LYST: variants seen among roughly 807,000 people sequenced by gnomAD.
LYST encodes lysosomal trafficking regulator, also known as lysosomal-trafficking regulator.
LYST carries 192 observed loss-of-function variants against 413.6 expected under a neutral mutation model. The ratio of observed to expected loss-of-function variants is 0.46; its 90% CI spans 0.41 to 0.52. LYST has a LOEUF of 0.52. LYST is among the 20% of genes least tolerant of loss of function. The pLI, the probability that LYST is intolerant of heterozygous loss-of-function variation, is 0.00. For synonymous variants in LYST, 1,525 were observed against 1,567.3 expected, an observed-to-expected ratio of 0.97 and a Z score of 0.64; for missense variants, 3,815 against 4,499.9, an observed-to-expected ratio of 0.85 and a Z score of 4.35.
chr1:235,726,655 G>GA (rs1212144921), intron 38 of LYST, among the ~76,000 whole-genome samples: 3 of 151,004 alleles, frequency 2.0e-5, no homozygotes, highest in South Asian at 2.1e-4. Flanking sequence ...TTTTAGATTT[G>GA]AAAAAAAAAT....
intron 1 of LYST, among the ~76,000 whole-genome samples, chr1:235,843,434 T>G (rs1488614721): frequency 6.6e-6 from 1 of 152,102 alleles, no homozygotes; most frequent in Admixed American, 6.5e-5. Flanking sequence ...CACAGAGCTG[T>G]GTGAAGTTTG....
intron 1 of LYST, among the ~76,000 whole-genome samples, chr1:235,861,017 T>G (rs1253426316): frequency 6.6e-6 from 1 of 152,230 alleles, no homozygotes; most frequent in South Asian, 2.1e-4. Flanking sequence ...ATCCATGTTG[T>G]TGTGTGATCT....
At chr1:235,711,319 C>T (rs2103124054) in intron 43 of LYST, among the ~76,000 whole-genome samples, 1 of 152,262 alleles carries the variant, frequency 6.6e-6, no homozygotes, top group South Asian at 2.1e-4. Flanking sequence ...TTGAGCAACA[C>T]TATGAAATAA....
At chr1:235,704,059 A>G (rs1661761647) in intron 44 of LYST, among the ~76,000 whole-genome samples, 2 of 152,202 alleles carry the variant, frequency 1.3e-5, no homozygotes, top group Admixed American at 1.3e-4. Flanking sequence ...CTCCAGCTCC[A>G]TACACGTTCC....
At chr1:235,862,652 C>T (rs1030206237) in intron 1 of LYST, among the ~76,000 whole-genome samples, 3 of 152,000 alleles carry the variant, frequency 2.0e-5, no homozygotes, top group East Asian at 1.9e-4. Context: ...AAAAATTAGC[C>T]GGGCATGGTG....
rs1265927844 is a variant in LYST, at chr1:235,806,011, G to A, written c.3125C>T (p.Ala1042Val). Residue 1042 changes from alanine (A) to valine (V), a missense_variant, in exon 6 of 53, where the codon GCT becomes GTT. This residue lies in a region of LYST where 1,648 missense variants were observed against 1,810.3 expected (regional missense o/e 0.91). Transcript: ENST00000389793. ...TGATGGTATGGGGTCACTTTTTATAGCCAAAGATAATAAATCTTCCTTCAT... is the reference window on the plus strand; with the variant it reads ...TGATGGTATGGGGTCACTTTTTATAACCAAAGATAATAAATCTTCCTTCAT... ...RTMKEDLLSLAIKSDPIPSEL... is the reference protein window; with the variant it reads ...RTMKEDLLSLVIKSDPIPSEL... 6.2e-7 allele frequency: 1 copy of A among 1,613,808 alleles called. No individual in the cohort carries two copies. Among genetic ancestry groups the A allele is most frequent in the Non-Finnish European group, 8.5e-7 (1 of 1,179,898 alleles).
chr1:235,738,578 T>C (rs770714403), intron 31 of LYST: 4 of 1,610,288 alleles, frequency 2.5e-6, no homozygotes, highest in Non-Finnish European at 3.4e-6. Context: ...TTGGGGAACA[T>C]GGAGATTCTA....
intron 4 of LYST, among the ~76,000 whole-genome samples, chr1:235,811,163 A>C (rs1357018072): frequency 1.3e-5 from 2 of 152,190 alleles, no homozygotes; most frequent in Non-Finnish European, 2.9e-5. Flanking sequence ...AACAACAAAC[A>C]AAAGAGAACA....
chr1:235,718,714 C>A (rs1663068136), intron 40 of LYST, among the ~76,000 whole-genome samples: 1 of 151,978 alleles, frequency 6.6e-6, no homozygotes. Context: ...CAAAATATTC[C>A]CTCATCAACT....
At chr1:235,864,197 G>GC (rs942003446) in intron 1 of LYST, among the ~76,000 whole-genome samples, 3 of 152,030 alleles carry the variant, frequency 2.0e-5, no homozygotes, top group African/African-American at 7.3e-5. Flanking sequence ...CTCCCCTACT[G>GC]CAGGGCCCCA....
intron 25 of LYST, among the ~76,000 whole-genome samples, chr1:235,754,229 C>A (rs12121811): frequency 2.3e-5 from 2 of 86,552 alleles, no homozygotes; most frequent in South Asian, 7.2e-4. Context: ...CTTTTCTTTT[C>A]TTTTTTTTTT....
chr1:235,837,624 CA>C (rs34107122), intron 1 of LYST, among the ~76,000 whole-genome samples: 67,338 of 121,432 alleles, frequency 0.55, 18,333 homozygotes, highest in African/African-American at 0.81. Flanking sequence ...GACCCTGTTT[CA>C]AAAAAAAAAA....
chr1:235,697,571 G>A (rs1043213365), intron 45 of LYST, among the ~76,000 whole-genome samples: 9 of 152,158 alleles, frequency 5.9e-5, no homozygotes, highest in Non-Finnish European at 1.5e-5. Flanking sequence ...CTTATTTCTA[G>A]TTGAAATACC....
chr1:235,692,338 AAACC>A (rs562915674), intron 47 of LYST, among the ~76,000 whole-genome samples: 130 of 151,300 alleles, frequency 8.6e-4, no homozygotes, highest in African/African-American at 2.3e-3. Context: ...ATCTCATAAC[AAACC>A]AACCAACCAA....
intron 36 of LYST, among the ~76,000 whole-genome samples, chr1:235,730,480 ACAGT>A (rs1385211994): frequency 2.0e-5 from 3 of 151,910 alleles, no homozygotes; most frequent in Non-Finnish European, 4.4e-5. Context: ...GAGATGTTAA[ACAGT>A]CAATTACAAA....
Position 235,796,176 on chromosome 1 carries a change from C to A in LYST, c.4007-2564G>T, listed in dbSNP as rs558289683. 2.0e-4 allele frequency among the ~76,000 whole-genome samples: 31 copies of A among 151,992 alleles called. No homozygotes were observed. The South Asian group carries it at 6.2e-3, about 31-fold the overall frequency. ...GAGGAGGGAATATGGAGAGGAGAAA[C>A]TTATTTTTTAAAATAATAAATCTTT... On this transcript the variant is annotated intron_variant, in intron 10 of 52. Coordinates refer to ENST00000389793, the MANE Select transcript of LYST (RefSeq NM_000081.4).
chr1:235,762,876 CA>C, intron 21 of LYST, 25 bp from the exon 22 acceptor site: 1 of 1,605,326 alleles, frequency 6.2e-7, no homozygotes, highest in Non-Finnish European at 8.5e-7. Flanking sequence ...TTTTTTGAAA[CA>C]GCAAAATTTT....
At chr1:235,819,774 T>G (rs1389897886) in intron 3 of LYST, among the ~76,000 whole-genome samples, 2 of 152,162 alleles carry the variant, frequency 1.3e-5, no homozygotes, top group African/African-American at 4.8e-5. Flanking sequence ...GCCTCCCAAG[T>G]AGCTGGGATT....
At chr1:235,873,998 A>G (rs889701115) in intron 1 of LYST, among the ~76,000 whole-genome samples, 3 of 152,234 alleles carry the variant, frequency 2.0e-5, no homozygotes, top group African/African-American at 7.2e-5. Context: ...AGTTCTCAGC[A>G]GATGCATAGA....
Sources: allele counts gnomAD v4.1 joint callset (sites outside exome capture counted in the v4.1 genomes callset), GRCh38; gene constraint gnomAD v4.1.1; regional missense constraint gnomAD v4.1.1; transcripts MANE v1.5; gene names NCBI Gene and HGNC (gene_info 2026-07-23, HGNC 2026-07-21).